The following ECPAS variants were observed in gnomAD, a reference collection of about 807,000 sequenced individuals.
ECPAS encodes the protein Ecm29 proteasome adaptor and scaffold.
In ECPAS, 70 loss-of-function variants were observed where a neutral mutation model predicts 255.1. The ratio of observed to expected loss-of-function variants is 0.27; its 90% CI spans 0.23 to 0.33. ECPAS has a LOEUF of 0.33. ECPAS is among the 10% of genes least tolerant of loss of function. The pLI, the probability that ECPAS is intolerant of heterozygous loss-of-function variation, is 1.00. For missense variants in ECPAS, 1,817 were observed against 2,206.4 expected (o/e 0.82, Z 3.54); for synonymous variants, 784 against 775.0 (o/e 1.01, Z -0.19).
At chr9:111,468,412 G>GA (rs1274480188) in intron 2 of ECPAS, among the ~76,000 whole-genome samples, 1 of 152,152 alleles carries the variant, frequency 6.6e-6, no homozygotes, top group African/African-American at 2.4e-5. Context: ...GTTTAAGCGA[G>GA]AAAGTAGGTG....
chr9:111,362,089 T>G lies in ECPAS; in HGVS notation c.5461A>C (p.Arg1821=), dbSNP rs1227516480. 1 of 1,612,202 alleles carries G rather than the reference T, an allele frequency of 6.2e-7. No homozygotes were observed. The highest frequency in any genetic ancestry group is 8.5e-7 in the Non-Finnish European group (1 of 1,179,188). ...ESLATMEPDS[R]PELQEKAALL... ...GCTGCTTTCTCCTGCAGTTCAGGTC[T>G]GCTGTCTGGCTCCATAGTAGCTAAA... The change falls in exon 50 of 50, where the codon AGA becomes CGA. Residue 1821 remains arginine (R), a synonymous_variant. Coordinates refer to ENST00000684092, the MANE Select transcript of ECPAS (RefSeq NM_001364929.1).
At chr9:111,379,942 T>C (rs1253019030) in intron 35 of ECPAS, among the ~76,000 whole-genome samples, 1 of 152,196 alleles carries the variant, frequency 6.6e-6, no homozygotes, top group African/African-American at 2.4e-5. Flanking sequence ...CCCCTCAAAG[T>C]CATCCATGAA....
At chr9:111,467,809 G>T (rs1000885263) in intron 2 of ECPAS, among the ~76,000 whole-genome samples, 1 of 152,036 alleles carries the variant, frequency 6.6e-6, no homozygotes, top group Non-Finnish European at 1.5e-5. Context: ...GTTTCACATG[G>T]CCTTCTGAGC....
chr9:111,386,646 G>A (rs1277724405), intron 31 of ECPAS, among the ~76,000 whole-genome samples, 190 bp from the exon 32 acceptor site: 1 of 152,134 alleles, frequency 6.6e-6, no homozygotes, highest in Non-Finnish European at 1.5e-5. Context: ...AAGCTGCCAG[G>A]TGATCATTCT....
chr9:111,425,842 AGAGTT>A lies in ECPAS; in HGVS notation c.1051-19_1051-15del. The stretch of plus-strand genomic sequence containing the variant: ...ATCATACACCACCTATGTAAAATGA[AGAGTT>A]GAGAACATCAATTAATAAAAATAAG... On this transcript the variant is annotated splice_polypyrimidine_tract_variant and intron_variant, in intron 10 of 49. Coordinates refer to ENST00000684092, the MANE Select transcript of ECPAS (RefSeq NM_001364929.1). 1.6e-6 allele frequency: 2 copies of A among 1,265,750 alleles called. No individual in the cohort carries two copies. The highest frequency in any genetic ancestry group is 2.3e-6 in the Non-Finnish European group (2 of 885,382). The allele number at this position is 1,265,750 out of a possible 1,614,324, so 78.4% of individuals were successfully genotyped here. A position where few individuals can be genotyped will look rare whatever the true frequency, so the allele number is the denominator to read the frequency against.
intron 2 of ECPAS, among the ~76,000 whole-genome samples, chr9:111,468,682 G>C (rs2098282486): frequency 6.6e-6 from 1 of 151,578 alleles, no homozygotes. Flanking sequence ...TCATGTCCAA[G>C]CTCAAACGTG....
In ECPAS at chr9:111,390,043, C is replaced by A; in HGVS notation, c.3220G>T (p.Asp1074Tyr). Residue 1074 changes from aspartate (D) to tyrosine (Y), a missense_variant, in exon 30 of 50, where the codon GAT (aspartate) becomes TAT (tyrosine). Around this residue, in one of 4 missense-constraint regions of ECPAS, gnomAD observed 960 missense variants for 1,179.0 expected, o/e 0.81. Transcript: ENST00000684092. Reference sequence around the variant, plus strand: ...AAATTCATAAATTTATACACCAGATCTGGCTGGCTAAGATCACTTGCCAGA... The same window carrying A: ...AAATTCATAAATTTATACACCAGATATGGCTGGCTAAGATCACTTGCCAGA... ...CSLASDLSQP[D>Y]LVYKFMNLAN... is the part of the protein sequence containing the mutation. The A allele has an allele frequency of 6.2e-7, 1 of 1,602,836 alleles. No individual in the cohort carries two copies. The highest frequency in any genetic ancestry group is 8.5e-7 in the Non-Finnish European group (1 of 1,171,870).
chr9:111,388,541 T>G (rs1030616177), intron 31 of ECPAS, among the ~76,000 whole-genome samples: 2 of 151,602 alleles, frequency 1.3e-5, no homozygotes, highest in Non-Finnish European at 2.9e-5. Context: ...GTAAGGATCA[T>G]GGAATTTATT....
chr9:111,474,785 A>G (rs1273419189), intron 1 of ECPAS, among the ~76,000 whole-genome samples: 1 of 152,230 alleles, frequency 6.6e-6, no homozygotes, highest in Non-Finnish European at 1.5e-5. Flanking sequence ...AATCCTAACA[A>G]TACTATGAGT....
At chr9:111,437,952 C>T (rs983767572) in intron 6 of ECPAS, among the ~76,000 whole-genome samples, 4 of 151,826 alleles carry the variant, frequency 2.6e-5, no homozygotes, top group African/African-American at 9.7e-5. Context: ...ATAAAATATC[C>T]ACTATAATAA....
Position 111,363,650 on chromosome 9 carries a change from G to A in ECPAS, c.5318C>T (p.Thr1773Ile), listed in dbSNP as rs1193814930. Residue 1773 changes from threonine (T) to isoleucine (I), a missense_variant, in exon 49 of 50, where the codon ACC becomes ATC. Physicochemically the swap from Thr to Ile is moderately conservative, Grantham distance 89 (BLOSUM62 -1). Around this residue, in one of 4 missense-constraint regions of ECPAS, gnomAD observed 960 missense variants for 1,179.0 expected, o/e 0.81. Transcript: ENST00000684092. ...AGCTTCTGTTCTCACAGATGAGTAGGTCTTATTTTCTAAAAAGAAATATCA... is the reference window on the plus strand; with the variant it reads ...AGCTTCTGTTCTCACAGATGAGTAGATCTTATTTTCTAAAAAGAAATATCA... ...KSITYSLENK[T>I]YSSVRTEALS... 4.0e-6 allele frequency: 6 copies of A among 1,510,734 alleles called. No homozygotes were observed. The highest frequency in any genetic ancestry group is 1.4e-5 in the African/African-American group (1 of 69,222). The allele number at this position is 1,510,734 out of a possible 1,614,324, so 93.6% of individuals were successfully genotyped here.
intron 3 of ECPAS, among the ~76,000 whole-genome samples, chr9:111,449,919 T>A (rs1240472841): frequency 6.6e-6 from 1 of 152,216 alleles, no homozygotes; most frequent in Non-Finnish European, 1.5e-5. Flanking sequence ...ACAGGGTCTA[T>A]CTTCAATGGT....
At chr9:111,430,492 T>C in intron 9 of ECPAS, 55 bp downstream of exon 9, 2 of 1,046,466 alleles carry the variant, frequency 1.9e-6, no homozygotes, top group South Asian at 1.4e-5. Flanking sequence ...AATACGCAGT[T>C]CATGTCAACA....
intron 24 of ECPAS, among the ~76,000 whole-genome samples, chr9:111,405,465 A>G (rs1397613867): frequency 2.0e-5 from 3 of 149,784 alleles, no homozygotes; most frequent in Admixed American, 2.0e-4. Context: ...ACACTGGAGA[A>G]ACACTTCAGG....
At chr9:111,457,577 T>A (rs763893989) in intron 2 of ECPAS, among the ~76,000 whole-genome samples, 1 of 152,224 alleles carries the variant, frequency 6.6e-6, no homozygotes, top group Non-Finnish European at 1.5e-5. Flanking sequence ...TCCCTTCTGA[T>A]GGTTTCTATT....
At chr9:111,380,996 A>G (rs1323011735) in intron 35 of ECPAS, among the ~76,000 whole-genome samples, 1 of 152,190 alleles carries the variant, frequency 6.6e-6, no homozygotes, top group African/African-American at 2.4e-5. Flanking sequence ...CTGTTAGCAA[A>G]AGGCTGTTTT....
chr9:111,429,527 AG>A (rs1232545217), intron 9 of ECPAS, among the ~76,000 whole-genome samples: 4 of 152,312 alleles, frequency 2.6e-5, no homozygotes, highest in African/African-American at 9.6e-5. Context: ...GAAGAACATG[AG>A]GCCAGGAAAA....
At chr9:111,449,651 T>C (rs1209009012) in intron 3 of ECPAS, among the ~76,000 whole-genome samples, 1 of 152,078 alleles carries the variant, frequency 6.6e-6, no homozygotes, top group East Asian at 1.9e-4. Flanking sequence ...AGTTAAAAAC[T>C]ACTGACGATA....
At chr9:111,455,204 G>A (rs897882793) in intron 2 of ECPAS, among the ~76,000 whole-genome samples, 5 of 152,086 alleles carry the variant, frequency 3.3e-5, no homozygotes, top group African/African-American at 7.2e-5. Flanking sequence ...ACTTGCTTTC[G>A]GCCTGGCACA....
Sources: gnomAD v4.1 joint callset for allele counts (sites outside exome capture counted in the v4.1 genomes callset) on GRCh38, gnomAD v4.1.1 for gene constraint, gnomAD v4.1.1 regional missense constraint, MANE v1.5 for transcripts, NCBI Gene and HGNC (gene_info 2026-07-23, HGNC 2026-07-21) for gene names.